LPP: variants seen among roughly 807,000 people sequenced by gnomAD.
LPP encodes the protein LIM domain containing preferred translocation partner in lipoma.
A neutral mutation model predicts 60.4 loss-of-function variants in LPP; 38 were observed. The observed-to-expected ratio is 0.63, with a 90% CI of 0.49 to 0.83. The LOEUF is 0.83. LPP is among the 40% of genes least tolerant of loss of function. LPP has a pLI of 0.00. For missense variants in LPP, 902 were observed against 783.6 expected, an observed-to-expected ratio of 1.15 and a Z score of -1.80; for synonymous variants, 328 against 290.8, an observed-to-expected ratio of 1.13 and a Z score of -1.30.
intron 2 of LPP, among the ~76,000 whole-genome samples, chr3:188,271,902 GCACCCA>G (rs1737868984): frequency 6.6e-6 from 1 of 152,102 alleles, no homozygotes; most frequent in African/African-American, 2.4e-5. Context: ...GGTTTAAGAG[GCACCCA>G]TAATAGTCCC....
At chr3:188,325,712 T>C (rs1413127982) in intron 2 of LPP, among the ~76,000 whole-genome samples, 1 of 152,200 alleles carries the variant, frequency 6.6e-6, no homozygotes, top group Non-Finnish European at 1.5e-5. Context: ...TAATAGATCA[T>C]TTATTTGGAT....
At chr3:188,511,007 G>T (rs958161904) in intron 5 of LPP, among the ~76,000 whole-genome samples, 1 of 151,432 alleles carries the variant, frequency 6.6e-6, no homozygotes, top group African/African-American at 2.4e-5. Context: ...GCTCTTGGCA[G>T]AGAACCCCTG....
chr3:188,187,341 T>C (rs773676402), intron 1 of LPP, among the ~76,000 whole-genome samples: 4 of 152,200 alleles, frequency 2.6e-5, no homozygotes, highest in Non-Finnish European at 5.9e-5. Context: ...AAGCCACTTA[T>C]AGGAGACTGA....
At chr3:188,556,567 T>C (rs1829515016) in intron 6 of LPP, among the ~76,000 whole-genome samples, 1 of 152,048 alleles carries the variant, frequency 6.6e-6, no homozygotes, top group Admixed American at 6.6e-5. Flanking sequence ...CTTTCTAGAG[T>C]TGTGCTTGAG....
chr3:188,484,814 C>A, intron 5 of LPP, 110 bp downstream of exon 5: 1 of 809,052 alleles, frequency 1.2e-6, no homozygotes, highest in Non-Finnish European at 2.1e-6. Flanking sequence ...GCTGGATAAA[C>A]ATTTATCCAG....
intron 8 of LPP, among the ~76,000 whole-genome samples, chr3:188,721,440 G>C (rs1188904593): frequency 6.6e-6 from 1 of 152,070 alleles, no homozygotes; most frequent in Non-Finnish European, 1.5e-5. Context: ...TGTGGTTCCA[G>C]CTACTCATGA....
intron 7 of LPP, among the ~76,000 whole-genome samples, chr3:188,650,606 A>T (rs1851897553): frequency 6.6e-6 from 1 of 152,154 alleles, no homozygotes; most frequent in African/African-American, 2.4e-5. Context: ...AGAAGATGAG[A>T]GACTACAAAT....
intron 4 of LPP, among the ~76,000 whole-genome samples, chr3:188,455,899 A>T (rs1018429833): frequency 7.2e-5 from 11 of 152,080 alleles, no homozygotes; most frequent in Non-Finnish European, 1.6e-4. Flanking sequence ...AAATTTTTTT[A>T]TTTGTTTATT....
At chr3:188,351,095 C>T (rs1347721997) in intron 3 of LPP, among the ~76,000 whole-genome samples, 2 of 152,318 alleles carry the variant, frequency 1.3e-5, no homozygotes, top group South Asian at 2.1e-4. Flanking sequence ...ATCCCTCATA[C>T]ATATTTTAAA....
chr3:188,299,801 CAGTAGGGCACCAGGA>C (rs1361313276), intron 2 of LPP, among the ~76,000 whole-genome samples: 1 of 152,150 alleles, frequency 6.6e-6, no homozygotes, highest in African/African-American at 2.4e-5. Flanking sequence ...GTAAAGAAGA[CAGTAGGGCACCAGGA>C]AGCCTTGAGC....
chr3:188,776,847 G>GT (rs1014276625), intron 9 of LPP, among the ~76,000 whole-genome samples: 4 of 152,104 alleles, frequency 2.6e-5, no homozygotes, highest in Admixed American at 1.3e-4. Context: ...CTGTAAGACT[G>GT]TAGTTTTATA....
chr3:188,207,260 C>T lies in LPP; in HGVS notation c.-189-18145C>T, dbSNP rs1733539505. 3.2e-5 allele frequency among the ~76,000 whole-genome samples: 4 copies of T among 126,712 alleles called. No homozygotes were observed. In the South Asian group the frequency reaches 1.0e-3, roughly 32 times the overall value. 83.1% of individuals were successfully genotyped at this position (126,712 alleles called of 152,430 possible). A position where few individuals can be genotyped will look rare whatever the true frequency, so the allele number is the denominator to read the frequency against. On this transcript the variant is annotated intron_variant, in intron 1 of 11. Transcript: ENST00000617246. The stretch of plus-strand genomic sequence containing the variant: ...TTTTTTTTTTTTCTTGAGGTGGACT[C>T]TTGCCCTGTTGTCCAGGCTTGAGTG...
At chr3:188,522,580 A>G (rs902631175) in intron 5 of LPP, among the ~76,000 whole-genome samples, 2 of 152,074 alleles carry the variant, frequency 1.3e-5, no homozygotes, top group African/African-American at 4.8e-5. Flanking sequence ...AACAGGAACA[A>G]AACAGACAAA....
intron 5 of LPP, among the ~76,000 whole-genome samples, chr3:188,493,189 A>G (rs1425678294): frequency 6.6e-6 from 1 of 152,210 alleles, no homozygotes; most frequent in Admixed American, 6.5e-5. Flanking sequence ...AAGCTTGGCT[A>G]TAAGTAGAAT....
At chr3:188,571,722 C>T (rs1434823672) in intron 6 of LPP, among the ~76,000 whole-genome samples, 3 of 152,100 alleles carry the variant, frequency 2.0e-5, no homozygotes, top group Non-Finnish European at 4.4e-5. Context: ...TTAGATGGAA[C>T]ACTCTGTATC....
chr3:188,374,021 T>C (rs1448079236), intron 3 of LPP, among the ~76,000 whole-genome samples: 4 of 152,220 alleles, frequency 2.6e-5, no homozygotes, highest in African/African-American at 9.6e-5. Flanking sequence ...TAGTTGTAGA[T>C]ATGCGGCATT....
intron 2 of LPP, among the ~76,000 whole-genome samples, chr3:188,231,041 C>T (rs1719763350): frequency 1.3e-5 from 2 of 152,098 alleles, no homozygotes; most frequent in African/African-American, 4.8e-5. Flanking sequence ...TATAGGGCAG[C>T]TCACATGGCA....
chr3:188,748,658 C>A (rs1727082532), intron 8 of LPP, among the ~76,000 whole-genome samples: 1 of 152,066 alleles, frequency 6.6e-6, no homozygotes, highest in Non-Finnish European at 1.5e-5. Context: ...TGACGTGCGC[C>A]TGTAATCCCA....
intron 9 of LPP, among the ~76,000 whole-genome samples, chr3:188,838,606 C>A (rs1210629660): frequency 1.3e-5 from 2 of 152,110 alleles, no homozygotes; most frequent in Admixed American, 6.5e-5. Context: ...TCTTATAAGA[C>A]TTTAGAAGTT....
Sources: allele counts gnomAD v4.1 joint callset (sites outside exome capture counted in the v4.1 genomes callset), GRCh38; gene constraint gnomAD v4.1.1; transcripts MANE v1.5; gene names NCBI Gene and HGNC (gene_info 2026-07-23, HGNC 2026-07-21).